Variants in PCMT1 observed in about 807,000 individuals in gnomAD.
PCMT1 encodes protein-L-isoaspartate(D-aspartate) O-methyltransferase.
Under a neutral mutation model 29.2 loss-of-function variants are expected in PCMT1, and 9 were observed. The ratio of observed to expected loss-of-function variants is 0.31; its 90% CI spans 0.19 to 0.54. The LOEUF (loss-of-function observed/expected upper bound fraction) is 0.54, where lower values mean the gene tolerates loss of function less well. Ranked by LOEUF, PCMT1 falls within the 20% of genes least tolerant of loss-of-function variation. PCMT1 has a pLI of 0.95. For missense variants in PCMT1, 184 were observed against 282.2 expected (o/e 0.65, Z 2.49); for synonymous variants, 98 against 97.5 (o/e 1.00, Z -0.03).
chr6:149,750,532 G>A (rs1266012182), intron 1 of PCMT1, among the ~76,000 whole-genome samples: 1 of 152,178 alleles, frequency 6.6e-6, no homozygotes, highest in Non-Finnish European at 1.5e-5. Context: ...CAGATGCTGG[G>A]AGAAATTTCT....
chr6:149,784,216 G>A (rs1384173943), intron 3 of PCMT1, among the ~76,000 whole-genome samples: 1 of 152,212 alleles, frequency 6.6e-6, no homozygotes, highest in South Asian at 2.1e-4. Context: ...CTTGGATTAT[G>A]TGAGGCTGTA....
intron 3 of PCMT1, among the ~76,000 whole-genome samples, chr6:149,781,519 C>T (rs1226738538): frequency 6.6e-6 from 1 of 152,112 alleles, no homozygotes; most frequent in Non-Finnish European, 1.5e-5. Context: ...GCCACGGCGC[C>T]CGGCCAAAAA....
chr6:149,773,110 T>C, intron 2 of PCMT1, 28 bp from the exon 3 acceptor site: 3 of 1,576,618 alleles, frequency 1.9e-6, no homozygotes, highest in Non-Finnish European at 2.6e-6. Context: ...CAGCTGACTG[T>C]ATCAGTAGTT....
chr6:149,766,844 T>G (rs1787106418), intron 1 of PCMT1, among the ~76,000 whole-genome samples: 1 of 152,168 alleles, frequency 6.6e-6, no homozygotes, highest in Non-Finnish European at 1.5e-5. Context: ...TGGTTTTGGC[T>G]TTTCTAGAAT....
At chr6:149,796,787 G>A (rs1788629847) in intron 6 of PCMT1, 1 of 259,658 alleles carries the variant, frequency 3.9e-6, no homozygotes, top group East Asian at 7.2e-5. Context: ...TGATAATCAG[G>A]TTTTTTTTGT....
intron 1 of PCMT1, among the ~76,000 whole-genome samples, chr6:149,764,135 C>T (rs543917210): frequency 3.9e-5 from 6 of 152,254 alleles, no homozygotes; most frequent in African/African-American, 1.4e-4. Context: ...ATGAACCACT[C>T]AAGAATTATT....
intron 3 of PCMT1, among the ~76,000 whole-genome samples, chr6:149,782,714 C>T (rs1787863297): frequency 6.7e-6 from 1 of 149,558 alleles, no homozygotes; most frequent in African/African-American, 2.5e-5. Flanking sequence ...GATTATAGCA[C>T]AGTGAATTGA....
At chr6:149,752,278 A>T (rs1257597039) in intron 1 of PCMT1, among the ~76,000 whole-genome samples, 1 of 151,650 alleles carries the variant, frequency 6.6e-6, no homozygotes, top group African/African-American at 2.4e-5. Context: ...GCTCACTGCA[A>T]CCTCTGCCTC....
intron 5 of PCMT1, 79 bp downstream of exon 5, chr6:149,793,748 A>G: frequency 8.3e-7 from 1 of 1,200,394 alleles, no homozygotes. Context: ...AATAATACTC[A>G]GAGGTAATTA....
At chr6:149,772,233 G>A (rs1787357254) in intron 2 of PCMT1, 1 of 372,252 alleles carries the variant, frequency 2.7e-6, no homozygotes, top group Non-Finnish European at 5.2e-6. Context: ...TTGCTTCAGA[G>A]GCAGAAAGAA....
intron 1 of PCMT1, among the ~76,000 whole-genome samples, chr6:149,762,085 A>G (rs2065665): frequency 0.41 from 62,185 of 151,834 alleles, 14,265 homozygotes; most frequent in East Asian, 0.74. Context: ...TAACTCTTGT[A>G]TAGTGTTTTT....
At chr6:149,756,703 A>G (rs183953949) in intron 1 of PCMT1, among the ~76,000 whole-genome samples, 1 of 151,464 alleles carries the variant, frequency 6.6e-6, no homozygotes. Flanking sequence ...TTGTATGCAC[A>G]TGGGAAAAAT....
At chr6:149,793,742 A>G in intron 5 of PCMT1, 73 bp downstream of exon 5, 1 of 1,274,808 alleles carries the variant, frequency 7.8e-7, no homozygotes, top group Non-Finnish European at 1.1e-6. Context: ...AAGCTAAATA[A>G]TACTCAGAGG....
At chr6:149,783,829 A>G (rs1463058904) in intron 3 of PCMT1, among the ~76,000 whole-genome samples, 2 of 152,190 alleles carry the variant, frequency 1.3e-5, no homozygotes, top group African/African-American at 4.8e-5. Context: ...AGCTGGGACT[A>G]TAGGCATGTG....
Position 149,773,166 on chromosome 6 carries a change from C to T in PCMT1, c.189C>T (p.His63=), listed in dbSNP as rs1787407014. Residue 63 remains histidine, a synonymous_variant, in exon 3 of 8, where the codon CAC becomes CAT. Transcript: ENST00000464889. ...IGFQATISAP[H]MHAYALELLF... is the part of the protein sequence containing the mutation. ...TCCAAGCAACAATCAGTGCTCCACACATGGTAAGTTAAGTTTGTTCACTTG... is the reference window on the plus strand; with the variant it reads ...TCCAAGCAACAATCAGTGCTCCACATATGGTAAGTTAAGTTTGTTCACTTG... 6.2e-7 allele frequency: 1 copy of T among 1,608,798 alleles called. No individual in the cohort carries two copies. The highest frequency in any genetic ancestry group is 2.2e-5 in the East Asian group (1 of 44,808).
In PCMT1 at chr6:149,811,363, G is replaced by C. The variant is rs984496547; in HGVS notation, c.*785G>C. ...AACATGCTGTGTAAGCTGTGTCCTAGTTCTTGAACAGTTTATGCAGTGCTG... is the reference window on the plus strand; with the variant it reads ...AACATGCTGTGTAAGCTGTGTCCTACTTCTTGAACAGTTTATGCAGTGCTG... On this transcript the variant is annotated 3_prime_UTR_variant, in exon 8 of 8. Transcript: ENST00000464889. The C allele has an allele frequency of 8.5e-5, 13 of 152,598 alleles. 1 individual carries two copies. The highest frequency in any genetic ancestry group is 7.2e-4 in the Admixed American group (11 of 15,274). 9.5% of individuals were successfully genotyped at this position (152,598 alleles called of 1,614,324 possible).
intron 3 of PCMT1, among the ~76,000 whole-genome samples, chr6:149,786,963 C>A (rs1004948524): frequency 3.0e-5 from 4 of 133,160 alleles, no homozygotes; most frequent in Non-Finnish European, 6.1e-5. Context: ...GCCGAGATCA[C>A]GCCACTGCAC....
intron 1 of PCMT1, among the ~76,000 whole-genome samples, chr6:149,763,333 CAG>C (rs1157575721): frequency 6.8e-6 from 1 of 146,266 alleles, no homozygotes; most frequent in South Asian, 2.1e-4. Flanking sequence ...TTACCAATGA[CAG>C]AAAAATTATT....
intron 1 of PCMT1, among the ~76,000 whole-genome samples, chr6:149,765,082 A>G (rs982101587): frequency 6.7e-6 from 1 of 148,794 alleles, no homozygotes; most frequent in Non-Finnish European, 1.5e-5. Flanking sequence ...TAATGCGGCC[A>G]GGTGCGGTGG....
Sources: gnomAD v4.1 joint callset for allele counts (sites outside exome capture counted in the v4.1 genomes callset) on GRCh38, gnomAD v4.1.1 for gene constraint, MANE v1.5 for transcripts, NCBI Gene and HGNC (gene_info 2026-07-23, HGNC 2026-07-21) for gene names.